SYNJ1: variants seen among roughly 807,000 people sequenced by gnomAD.
SYNJ1 encodes the protein polyphosphatidylinositol phosphatase SYNJ1.
Under a neutral mutation model 168.2 loss-of-function variants are expected in SYNJ1, and 78 were observed. The ratio of observed to expected loss-of-function variants is 0.46; its 90% CI spans 0.39 to 0.56. SYNJ1 has a LOEUF of 0.56. Ranked by LOEUF, SYNJ1 falls within the 20% of genes least tolerant of loss-of-function variation. The pLI is 0.00. For missense variants in SYNJ1, 1,303 were observed against 1,597.6 expected (o/e 0.82, Z 3.14); for synonymous variants, 539 against 548.6 (o/e 0.98, Z 0.24).
At position 32,656,759 on chromosome 21, in the gene SYNJ1, T is replaced by A. The variant is rs1359129283; in HGVS notation, c.2723A>T (p.Asn908Ile). The change falls in exon 21 of 33, where the codon AAT becomes ATT. Residue 908 changes from asparagine to isoleucine, a missense_variant. This residue lies in a region of SYNJ1 where 920 missense variants were observed against 1,208.8 expected (regional missense o/e 0.76). Coordinates refer to ENST00000674351, the MANE Select transcript of SYNJ1 (RefSeq NM_203446.3). ...VSIKSSLPEN[N>I]FFDDALIDEL... ...ATCAATCAAGGCATCATCAAAAAAA[T>A]TATTTTCTGGTAAAGAACTTTTGAT... 2 of 1,614,072 alleles carry A rather than the reference T, an allele frequency of 1.2e-6. No individual in the cohort carries two copies. Among genetic ancestry groups the A allele is most frequent in the Non-Finnish European group, 1.7e-6 (2 of 1,180,008 alleles).
At chr21:32,636,476 A>T (rs1326359027) in intron 31 of SYNJ1, among the ~76,000 whole-genome samples, 3 of 152,236 alleles carry the variant, frequency 2.0e-5, no homozygotes, top group Admixed American at 1.3e-4. Flanking sequence ...AAAGACTTGT[A>T]AAAATTACAA....
At position 32,710,930 on chromosome 21, in the gene SYNJ1, C is replaced by T. The variant is rs564374157; in HGVS notation, c.125-8883G>A. ...AAATAATTTAGTTTTAATATTCTAA[C>T]TGTTGAAATGGAAACTATACTTGGA... is the stretch of plus-strand genomic sequence containing the variant. On this transcript the variant is annotated intron_variant, in intron 2 of 32. Transcript: ENST00000674351. Among the ~76,000 whole-genome samples, 4 of 152,252 alleles carry T rather than the reference C, an allele frequency of 2.6e-5. No homozygotes were observed. The South Asian group carries it at 8.3e-4, about 32-fold the overall frequency.
At chr21:32,715,416 G>T (rs185492644) in intron 2 of SYNJ1, among the ~76,000 whole-genome samples, 1 of 151,926 alleles carries the variant, frequency 6.6e-6, no homozygotes, top group South Asian at 2.1e-4. Flanking sequence ...TGAGGTTACA[G>T]TGAGCCAAGA....
chr21:32,634,905 A>G (rs756449600), intron 31 of SYNJ1, 21 bp from the exon 32 acceptor site: 7 of 1,613,536 alleles, frequency 4.3e-6, no homozygotes, highest in Non-Finnish European at 5.9e-6. Flanking sequence ...GGAAACAGAC[A>G]TCAAAGGAAA....
chr21:32,711,562 C>A (rs1024070697), intron 2 of SYNJ1, among the ~76,000 whole-genome samples: 7 of 152,266 alleles, frequency 4.6e-5, no homozygotes, highest in Non-Finnish European at 1.0e-4. Context: ...GATCTCTTGA[C>A]CTCATGATCT....
In SYNJ1 at chr21:32,631,204, C is replaced by T. The variant is rs1370554918; in HGVS notation, c.*601G>A. The T allele has an allele frequency of 1.2e-6, 2 of 1,614,160 alleles. No individual in the cohort carries two copies. The highest frequency in any genetic ancestry group is 2.2e-5 in the East Asian group (1 of 44,886). ...CCAGAAAATGAACTTGGCTGATTAC[C>T]CAGTAAGTCTGAACAAGCTGACTTT... On this transcript the variant is annotated 3_prime_UTR_variant, in exon 33 of 33. Coordinates refer to ENST00000674351, the MANE Select transcript of SYNJ1 (RefSeq NM_203446.3).
chr21:32,708,164 T>G, intron 2 of SYNJ1, among the ~76,000 whole-genome samples: 1 of 152,172 alleles, frequency 6.6e-6, no homozygotes, highest in Non-Finnish European at 1.5e-5. Flanking sequence ...GGGTGGGAAA[T>G]ATAGGCATTG....
chr21:32,662,993 T>C (rs1170418480), intron 18 of SYNJ1, among the ~76,000 whole-genome samples: 1 of 152,196 alleles, frequency 6.6e-6, no homozygotes, highest in African/African-American at 2.4e-5. Context: ...CCTGAGCCAG[T>C]GCTTCAAACT....
intron 10 of SYNJ1, among the ~76,000 whole-genome samples, chr21:32,683,313 G>C (rs2041692907): frequency 6.6e-6 from 1 of 151,552 alleles, no homozygotes; most frequent in African/African-American, 2.4e-5. Context: ...GTTTATCTTA[G>C]GCTGAATCTG....
upstream of SYNJ1, chr21:32,728,030 C>G: frequency 6.5e-7 from 1 of 1,535,246 alleles, no homozygotes; most frequent in East Asian, 2.5e-5. Flanking sequence ...GCAGGCCCAT[C>G]TCTTCCGCAT....
intron 18 of SYNJ1, among the ~76,000 whole-genome samples, chr21:32,662,605 G>A (rs1332393674): frequency 6.6e-6 from 1 of 152,124 alleles, no homozygotes; most frequent in Non-Finnish European, 1.5e-5. Context: ...GTGCCCAAAC[G>A]CATAATCTTG....
rs2040484641 is a variant in SYNJ1, at chr21:32,656,987, CTG to C, written c.2579+14_2579+15del. ...CAAATTTCAAACACTATTAGAAAAA[CTG>C]AGACTGCTTAAACCTGTGGTCAGAA... On this transcript the variant is annotated intron_variant, in intron 20 of 32. Coordinates refer to ENST00000674351, the MANE Select transcript of SYNJ1 (RefSeq NM_203446.3). The C allele has an allele frequency of 6.2e-7, 1 of 1,611,848 alleles. No individual in the cohort carries two copies. Among genetic ancestry groups the C allele is most frequent in the African/African-American group, 1.3e-5 (1 of 74,774 alleles).
intron 4 of SYNJ1, among the ~76,000 whole-genome samples, chr21:32,696,074 G>C (rs531034541): frequency 6.6e-4 from 101 of 152,202 alleles, no homozygotes; most frequent in African/African-American, 2.4e-3. Context: ...GGATGGTCCT[G>C]AACTCCTGAC....
chr21:32,646,625 A>G (rs750429455), intron 23 of SYNJ1, 23 bp from the exon 24 acceptor site: 1 of 1,582,824 alleles, frequency 6.3e-7, no homozygotes, highest in Non-Finnish European at 8.7e-7. Flanking sequence ...AGGCTTGATC[A>G]GAGATAACTC....
At chr21:32,707,200 G>A (rs2042640878) in intron 2 of SYNJ1, among the ~76,000 whole-genome samples, 1 of 151,578 alleles carries the variant, frequency 6.6e-6, no homozygotes, top group African/African-American at 2.4e-5. Context: ...GATCACTCTA[G>A]CTGGAGGTAA....
rs576164103 is a variant in SYNJ1, at chr21:32,629,750, C to T, written c.*2055G>A. 2 of 152,392 alleles carry T rather than the reference C, an allele frequency of 1.3e-5. No homozygotes were observed. Among genetic ancestry groups the T allele is most frequent in the East Asian group, 1.9e-4 (1 of 5,184 alleles). 9.4% of individuals were successfully genotyped at this position (152,392 alleles called of 1,614,324 possible). On this transcript the variant is annotated 3_prime_UTR_variant, in exon 33 of 33. Transcript: ENST00000674351. ...TTCTGATTGGTTTACTTAATGATAT[C>T]AAAATACTACATTCTGTAAAAATTC...
In SYNJ1 at chr21:32,700,108, G is replaced by A. The variant is rs2042347394; in HGVS notation, c.212-3C>T. 1 of 1,587,290 alleles carries A rather than the reference G, an allele frequency of 6.3e-7. No homozygotes were observed. The highest frequency in any genetic ancestry group is 8.6e-7 in the Non-Finnish European group (1 of 1,165,214). On this transcript the variant is annotated splice_polypyrimidine_tract_variant and splice_region_variant and intron_variant, in intron 3 of 32. Coordinates refer to ENST00000674351, the MANE Select transcript of SYNJ1 (RefSeq NM_203446.3). ...CAGATAATGTAACATAGTATCACCTGCAAAACCCAAAGATTTTACTGGATG... is the reference window on the plus strand; with the variant it reads ...CAGATAATGTAACATAGTATCACCTACAAAACCCAAAGATTTTACTGGATG...
intron 16 of SYNJ1, 65 bp from the exon 17 acceptor site, chr21:32,666,200 GA>G: frequency 6.5e-7 from 1 of 1,527,030 alleles, no homozygotes. Context: ...CATAGGAAAT[GA>G]GGAATATACA....
chr21:32,653,236 T>A, intron 22 of SYNJ1, 52 bp downstream of exon 22: 3 of 1,401,686 alleles, frequency 2.1e-6, no homozygotes, highest in Non-Finnish European at 3.0e-6. Context: ...TATCATACCA[T>A]CTTCAGACAT....
Sources: allele counts gnomAD v4.1 joint callset (sites outside exome capture counted in the v4.1 genomes callset), GRCh38; gene constraint gnomAD v4.1.1; regional missense constraint gnomAD v4.1.1; transcripts MANE v1.5; gene names NCBI Gene and HGNC (gene_info 2026-07-23, HGNC 2026-07-21).